The following ZNF563 variants were observed in gnomAD, a reference collection of about 807,000 sequenced individuals.
ZNF563 encodes the protein zinc finger protein 563.
In ZNF563, 39 loss-of-function variants were observed where a neutral mutation model predicts 48.5. The observed-to-expected ratio is 0.80, with a 90% CI of 0.62 to 1.05. The LOEUF (loss-of-function observed/expected upper bound fraction) is 1.05. ZNF563 is among the 50% of genes least tolerant of loss of function. The pLI, the probability that ZNF563 is intolerant of heterozygous loss-of-function variation, is 0.00. For synonymous variants in ZNF563, 168 were observed against 187.9 expected, an observed-to-expected ratio of 0.89 and a Z score of 0.87; for missense variants, 538 against 597.0, an observed-to-expected ratio of 0.90 and a Z score of 1.03.
the ZNF563 span, among the ~76,000 whole-genome samples, chr19:12,342,326 A>C: frequency 6.6e-6 from 1 of 152,144 alleles, no homozygotes; most frequent in African/African-American, 2.4e-5. Context: ...CCTCAGATGT[A>C]TATTTTTCAA....
At position 12,333,570 on chromosome 19, in the gene ZNF563, T is replaced by C. The variant is rs1167224468; in HGVS notation, c.-88A>G. ...CTGTGACAGAGGCTGCCACAGACGT[T>C]CCAGGGCGTCTCTCAGCGACTGAGG... On this transcript the variant is annotated 5_prime_UTR_variant, in exon 1 of 4. Coordinates refer to ENST00000293725, the MANE Select transcript of ZNF563 (RefSeq NM_145276.3). 6 of 1,569,214 alleles carry C rather than the reference T, an allele frequency of 3.8e-6. No homozygotes were observed. The East Asian group carries it at 1.1e-4, about 30-fold the overall frequency.
chr19:12,322,826 TAGTAAACTC>T, intron 1 of ZNF563, 115 bp from the exon 2 acceptor site: 3 of 1,136,812 alleles, frequency 2.6e-6, no homozygotes, highest in Non-Finnish European at 3.6e-6. Context: ...TTCAATGATG[TAGTAAACTC>T]TCTCATATTC....
In ZNF563 at chr19:12,333,505, A is replaced by T; in HGVS notation, c.-23T>A. The T allele has an allele frequency of 6.2e-7, 1 of 1,613,480 alleles. No individual in the cohort carries two copies. The highest frequency in any genetic ancestry group is 8.5e-7 in the Non-Finnish European group (1 of 1,179,764). On this transcript the variant is annotated 5_prime_UTR_variant, in exon 1 of 4. Coordinates refer to ENST00000293725, the MANE Select transcript of ZNF563 (RefSeq NM_145276.3). ...CATTTCCCGGCTTCCGGGATGTTCCAGGGTCCTCCCTCTGCCTCCCGCTGC... is the reference window on the plus strand; with the variant it reads ...CATTTCCCGGCTTCCGGGATGTTCCTGGGTCCTCCCTCTGCCTCCCGCTGC...
chr19:12,343,905 T>C, the ZNF563 span, among the ~76,000 whole-genome samples: 1 of 151,812 alleles, frequency 6.6e-6, no homozygotes, highest in Non-Finnish European at 1.5e-5. Flanking sequence ...TAATTTTTTG[T>C]ATTTTTAGTA....
At chr19:12,335,462 G>T (rs533160539), upstream of ZNF563, among the ~76,000 whole-genome samples, 1 of 152,246 alleles carries the variant, frequency 6.6e-6, no homozygotes, top group South Asian at 2.1e-4. Context: ...GGCTTCCCTG[G>T]GCCACATTGG....
chr19:12,343,111 C>T, the ZNF563 span, among the ~76,000 whole-genome samples: 4 of 151,722 alleles, frequency 2.6e-5, no homozygotes, highest in South Asian at 2.1e-4. Flanking sequence ...GCAGGAGAAT[C>T]GCTTGAACCG....
rs1968919964 is a variant in ZNF563, at chr19:12,331,572, G to A, written c.3+1908C>T. 1.1e-4 allele frequency among the ~76,000 whole-genome samples: 16 copies of A among 152,336 alleles called. No individual in the cohort carries two copies. In the South Asian group the frequency reaches 3.3e-3, roughly 32 times the overall value. ...TCTCCAAGAAATGAAAACTGGGCTT[G>A]GGGTGAGAAAACTGAGTATCCCAGG... On this transcript the variant is annotated intron_variant, in intron 1 of 3. Coordinates refer to ENST00000293725, the MANE Select transcript of ZNF563 (RefSeq NM_145276.3).
intron 3 of ZNF563, among the ~76,000 whole-genome samples, chr19:12,320,542 C>G (rs1485809653): frequency 6.6e-6 from 1 of 151,846 alleles, no homozygotes; most frequent in Non-Finnish European, 1.5e-5. Flanking sequence ...GCTCTGTCGC[C>G]AGGCTGGAGT....
At chr19:12,329,553 G>C (rs964460592) in intron 1 of ZNF563, among the ~76,000 whole-genome samples, 7 of 151,284 alleles carry the variant, frequency 4.6e-5, no homozygotes, top group Admixed American at 4.0e-4. Context: ...CTGATAAGCC[G>C]ACAGCATAGT....
At chr19:12,346,412 AT>A in the ZNF563 span, 3 of 152,220 alleles carry the variant, frequency 2.0e-5, no homozygotes, top group African/African-American at 7.2e-5. Context: ...AGAACCATTA[AT>A]TGGCTATTAT....
At chr19:12,324,518 G>C (rs1968723830) in intron 1 of ZNF563, among the ~76,000 whole-genome samples, 1 of 151,998 alleles carries the variant, frequency 6.6e-6, no homozygotes, top group South Asian at 2.1e-4. Context: ...GGGAGTTCAA[G>C]ACCAGCCTGA....
the ZNF563 span, among the ~76,000 whole-genome samples, chr19:12,345,424 T>C: frequency 2.6e-5 from 4 of 152,130 alleles, no homozygotes; most frequent in African/African-American, 9.7e-5. Flanking sequence ...TAGAAATAAA[T>C]GCTCATATAC....
chr19:12,321,148 A>AT, intron 3 of ZNF563, 124 bp downstream of exon 3: 2 of 681,222 alleles, frequency 2.9e-6, no homozygotes, highest in Non-Finnish European at 4.7e-6. Context: ...TAAAAAAAAA[A>AT]GTTAATTTAA....
chr19:12,326,210 A>C (rs1016620027), intron 1 of ZNF563, among the ~76,000 whole-genome samples: 10 of 152,224 alleles, frequency 6.6e-5, no homozygotes, highest in Non-Finnish European at 1.2e-4. Context: ...TGAAGAAAAA[A>C]CTAAAAGAAA....
intron 1 of ZNF563, among the ~76,000 whole-genome samples, chr19:12,329,190 C>T (rs1968864042): frequency 6.6e-6 from 1 of 152,070 alleles, no homozygotes; most frequent in Non-Finnish European, 1.5e-5. Flanking sequence ...AAAACATCAA[C>T]AGGCTGGGCG....
At chr19:12,345,785 G>A in the ZNF563 span, among the ~76,000 whole-genome samples, 5 of 151,968 alleles carry the variant, frequency 3.3e-5, no homozygotes, top group Admixed American at 2.0e-4. Flanking sequence ...GGTGGTGGGT[G>A]CCTATAATCC....
rs1968665494 is a variant in ZNF563 at position 12,322,691 on chromosome 19, A to AGGAGGG, written c.23_24insCCCTCC (p.Asp8_Val9insProPro). 1.9e-6 allele frequency: 3 copies of AGGAGGG among 1,607,500 alleles called. No individual in the cohort carries two copies. Among genetic ancestry groups the AGGAGGG allele is most frequent in the Non-Finnish European group, 2.6e-6 (3 of 1,176,260 alleles). ...CCTCCTGGGTGAAGTTCACAGCCAC[A>AGGAGGG]TCCTCAAAGGCCACTGCGTCCTGAA... On this transcript the variant is annotated inframe_insertion, in exon 2 of 4. Coordinates refer to ENST00000293725, the MANE Select transcript of ZNF563 (RefSeq NM_145276.3).
At chr19:12,344,643 C>CAAAG in the ZNF563 span, among the ~76,000 whole-genome samples, 2 of 151,980 alleles carry the variant, frequency 1.3e-5, no homozygotes, top group Non-Finnish European at 1.5e-5. Context: ...GAAAGCCTTC[C>CAAAG]CTCTAATATC....
At chr19:12,343,802 C>T in the ZNF563 span, among the ~76,000 whole-genome samples, 2 of 141,688 alleles carry the variant, frequency 1.4e-5, no homozygotes, top group Non-Finnish European at 3.0e-5. Flanking sequence ...GCGATCTTGG[C>T]TCACCGTAAG....
Sources: allele counts gnomAD v4.1 joint callset (sites outside exome capture counted in the v4.1 genomes callset), GRCh38; gene constraint gnomAD v4.1.1; transcripts MANE v1.5; gene names NCBI Gene and HGNC (gene_info 2026-07-23, HGNC 2026-07-21).